The following CYP3A5 variants were observed in gnomAD, a reference collection of about 807,000 sequenced individuals.
The protein encoded by CYP3A5 is cytochrome P450 3A5.
Under a neutral mutation model 55.9 loss-of-function variants are expected in CYP3A5, and 51 were observed. That is an observed-to-expected ratio of 0.91 (90% CI 0.73 to 1.15). CYP3A5 has a LOEUF of 1.15. Ranked by LOEUF, CYP3A5 falls within the 50% of genes most tolerant of loss-of-function variation. The probability of loss-of-function intolerance (pLI) is 0.00; values close to 1 mark genes in which losing one functional copy is unlikely to be tolerated. For synonymous variants in CYP3A5, 196 were observed against 213.9 expected (o/e 0.92, Z 0.73); for missense variants, 533 against 596.6 (o/e 0.89, Z 1.11).
At chr7:99,669,779 A>G (rs151252946) in intron 4 of CYP3A5, among the ~76,000 whole-genome samples, 12 of 152,366 alleles carry the variant, frequency 7.9e-5, no homozygotes, top group African/African-American at 2.6e-4. Flanking sequence ...CAAGAGATTT[A>G]TATGAAGCAG....
intron 3 of CYP3A5, 52 bp from the exon 4 acceptor site, chr7:99,672,731 T>A (rs760225715): frequency 6.8e-6 from 11 of 1,611,058 alleles, no homozygotes; most frequent in Non-Finnish European, 9.3e-6. Flanking sequence ...ATTCTGCAGC[T>A]GGAGCCACAC....
Position 99,662,700 on chromosome 7 carries a change from G to T in CYP3A5, c.865+116C>A. 2 of 961,490 alleles carry T rather than the reference G, an allele frequency of 2.1e-6. No homozygotes were observed. The highest frequency in any genetic ancestry group is 1.6e-5 in the African/African-American group (1 of 61,708). The allele number at this position is 961,490 out of a possible 1,614,324, so 59.6% of individuals were successfully genotyped here. A position where few individuals can be genotyped will look rare whatever the true frequency, so the allele number is the denominator to read the frequency against. ...CATTTATAACATCTAAATGTGTGTT[G>T]TTCTGCTATGTGGCAAAAATTCTCA... On this transcript the variant is annotated intron_variant, in intron 9 of 12. Transcript: ENST00000222982. This position sits in a 1 kb window ranked among gnomAD's most constrained non-coding sequence, Gnocchi z 4.3.
intron 8 of CYP3A5, chr7:99,663,456 T>G (rs1019527143): frequency 1.2e-5 from 12 of 989,986 alleles, no homozygotes; most frequent in Non-Finnish European, 1.2e-5. Flanking sequence ...TAGCCAGCCT[T>G]GCAACCTCAA....
At chr7:99,675,775 C>A (rs1261320879) in intron 2 of CYP3A5, among the ~76,000 whole-genome samples, 1 of 144,468 alleles carries the variant, frequency 6.9e-6, no homozygotes, top group Non-Finnish European at 1.5e-5. Context: ...CTCAATACAG[C>A]CTTGACTTCC....
intron 10 of CYP3A5, chr7:99,660,232 T>TC: frequency 1.0e-6 from 1 of 963,266 alleles, no homozygotes. Context: ...TTTTTTTTTT[T>TC]TTTTTTTTTT....
At chr7:99,672,709 T>C in intron 3 of CYP3A5, 30 bp from the exon 4 acceptor site, 1 of 1,612,532 alleles carries the variant, frequency 6.2e-7, no homozygotes, top group Non-Finnish European at 8.5e-7. Context: ...CTGATTAAAC[T>C]TCACTAGCCC....
chr7:99,679,935 C>T lies in CYP3A5; in HGVS notation c.-39G>A, dbSNP rs1304254881. On this transcript the variant is annotated 5_prime_UTR_variant, in exon 1 of 13. Coordinates refer to ENST00000222982, the MANE Select transcript of CYP3A5 (RefSeq NM_000777.5). ...CTTCAACTGTGTTCTGTGAGTCTTC[C>T]TTTTAGCTGAGTGCTGCTGTTTGCT... 2 of 1,580,376 alleles carry T rather than the reference C, an allele frequency of 1.3e-6. No homozygotes were observed. Among genetic ancestry groups the T allele is most frequent in the Admixed American group, 3.3e-5 (2 of 59,950 alleles).
chr7:99,649,514 A>G (rs186059100), intron 12 of CYP3A5, among the ~76,000 whole-genome samples: 83 of 152,296 alleles, frequency 5.4e-4, no homozygotes, highest in Middle Eastern at 3.4e-3. Flanking sequence ...TCCACCAGAA[A>G]TGCCTGAAAT....
At chr7:99,674,446 A>G (rs577923758) in intron 3 of CYP3A5, 87 bp downstream of exon 3, 1 of 1,018,442 alleles carries the variant, frequency 9.8e-7, no homozygotes, top group Non-Finnish European at 1.5e-6. Context: ...GCTTCATCCC[A>G]TGAAGACCTG....
At chr7:99,675,935 A>T (rs1175229492) in intron 2 of CYP3A5, among the ~76,000 whole-genome samples, 180 bp downstream of exon 2, 2 of 151,254 alleles carry the variant, frequency 1.3e-5, no homozygotes, top group African/African-American at 4.9e-5. Flanking sequence ...GGCTCAAGCA[A>T]TTTGCCAGTC....
intron 10 of CYP3A5, among the ~76,000 whole-genome samples, chr7:99,655,100 A>G (rs1156793736): frequency 2.6e-5 from 4 of 152,084 alleles, no homozygotes; most frequent in East Asian, 1.9e-4. Flanking sequence ...CCATTTGTCA[A>G]TTTTGGCTTT....
chr7:99,665,431 G>C, intron 6 of CYP3A5, 117 bp from the exon 7 acceptor site: 1 of 1,390,314 alleles, frequency 7.2e-7, no homozygotes, highest in South Asian at 1.2e-5. Context: ...CAGACTTTCA[G>C]AACTATCTGC....
intron 8 of CYP3A5, 29 bp downstream of exon 8, chr7:99,663,939 A>G (rs1052544883): frequency 9.0e-6 from 14 of 1,560,952 alleles, no homozygotes; most frequent in Non-Finnish European, 1.2e-5. Flanking sequence ...AAACCTAAAC[A>G]TCGTCATTTA....
chr7:99,677,511 A>C (rs1359502151), intron 1 of CYP3A5, among the ~76,000 whole-genome samples: 8 of 152,262 alleles, frequency 5.3e-5, no homozygotes, highest in Non-Finnish European at 1.5e-5. Flanking sequence ...GAGTTGTATT[A>C]AGACCTTGTT....
At chr7:99,672,347 G>A (rs1370923769) in intron 4 of CYP3A5, among the ~76,000 whole-genome samples, 1 of 152,090 alleles carries the variant, frequency 6.6e-6, no homozygotes, top group East Asian at 1.9e-4. Flanking sequence ...ATTATGCCCA[G>A]CCTGTAGTTT....
rs139485693 is a variant in CYP3A5, at chr7:99,660,323, G to C, written c.1026+176C>G. ...GTACAAAGATCTTATGCTTCTGCCAGTAGCAACCGTTCTCTATGTTTCTCC... is the reference window on the plus strand; with the variant it reads ...GTACAAAGATCTTATGCTTCTGCCACTAGCAACCGTTCTCTATGTTTCTCC... On this transcript the variant is annotated intron_variant, in intron 10 of 12. Coordinates refer to ENST00000222982, the MANE Select transcript of CYP3A5 (RefSeq NM_000777.5). The C allele has an allele frequency of 3.0e-4, 360 of 1,200,576 alleles. 2 individuals are homozygous for C. The East Asian group carries it at 0.014, about 47-fold the overall frequency. 74.4% of individuals were successfully genotyped at this position (1,200,576 alleles called of 1,614,324 possible). A position where few individuals can be genotyped will look rare whatever the true frequency, so the allele number is the denominator to read the frequency against.
chr7:99,670,698 C>G (rs1726427064), intron 4 of CYP3A5, among the ~76,000 whole-genome samples: 1 of 152,170 alleles, frequency 6.6e-6, no homozygotes, highest in South Asian at 2.1e-4. Flanking sequence ...CACAATCACA[C>G]CTTGTTCATG....
intron 10 of CYP3A5, among the ~76,000 whole-genome samples, chr7:99,654,243 CA>C (rs1427245188): frequency 6.6e-6 from 1 of 152,164 alleles, no homozygotes; most frequent in Non-Finnish European, 1.5e-5. Context: ...CCTCCCACCC[CA>C]AAACAGGCCC....
intron 3 of CYP3A5, 144 bp from the exon 4 acceptor site, chr7:99,672,823 C>A: frequency 6.7e-7 from 1 of 1,481,738 alleles, no homozygotes; most frequent in East Asian, 2.4e-5. Flanking sequence ...GGTTCTAGTT[C>A]ATTAGGGTGT....
Sources: allele counts gnomAD v4.1 joint callset (sites outside exome capture counted in the v4.1 genomes callset), GRCh38; gene constraint gnomAD v4.1.1; non-coding constraint Gnocchi (gnomAD v3.1); transcripts MANE v1.5; gene names NCBI Gene and HGNC (gene_info 2026-07-23, HGNC 2026-07-21).